The following PRKCE variants were observed in gnomAD, a reference collection of about 807,000 sequenced individuals.
PRKCE encodes the protein protein kinase C epsilon, also known as protein kinase C epsilon type.
In PRKCE, 16 loss-of-function variants were observed where a neutral mutation model predicts 85.4. The ratio of observed to expected loss-of-function variants is 0.19; its 90% CI spans 0.13 to 0.28. The LOEUF (loss-of-function observed/expected upper bound fraction) is 0.28, where lower values mean the gene tolerates loss of function less well. PRKCE is among the 10% of genes least tolerant of loss of function. PRKCE has a pLI of 1.00. For missense variants in PRKCE, 573 were observed against 975.2 expected (o/e 0.59, Z 5.49); for synonymous variants, 388 against 371.5 (o/e 1.04, Z -0.51).
intron 1 of PRKCE, among the ~76,000 whole-genome samples, chr2:45,818,496 G>A (rs1043568690): frequency 1.3e-5 from 2 of 152,198 alleles, no homozygotes; most frequent in African/African-American, 4.8e-5. Context: ...CGGGACTTGG[G>A]TGGGCAAGTC....
chr2:45,895,063 C>A lies in PRKCE; in HGVS notation c.412+52000C>A, dbSNP rs1405814883. Among the ~76,000 whole-genome samples, 1 of 152,174 alleles carries A rather than the reference C, an allele frequency of 6.6e-6. No homozygotes were observed. Among genetic ancestry groups the A allele is most frequent in the Non-Finnish European group, 1.5e-5 (1 of 68,042 alleles). On this transcript the variant is annotated intron_variant, in intron 2 of 14. Coordinates refer to ENST00000306156, the MANE Select transcript of PRKCE (RefSeq NM_005400.3). The surrounding 1 kb of genome is among the most constrained non-coding windows in gnomAD (Gnocchi z 4.8). ...GAACACATAAATGTCATCAATGATT[C>A]CGTCTCTACCTGGGTAAACTTCAGA...
chr2:46,114,540 C>T (rs1199494411), intron 11 of PRKCE, among the ~76,000 whole-genome samples: 1 of 150,754 alleles, frequency 6.6e-6, no homozygotes, highest in Non-Finnish European at 1.5e-5. Context: ...GCGTCAGCCT[C>T]CTGAGTAGCT....
intron 1 of PRKCE, among the ~76,000 whole-genome samples, chr2:45,773,859 T>A (rs1214176670): frequency 6.6e-6 from 1 of 152,148 alleles, no homozygotes; most frequent in Non-Finnish European, 1.5e-5. Flanking sequence ...CTCCTGTACC[T>A]ACGGCTGCCA....
At chr2:46,022,813 G>A (rs550252793) in intron 10 of PRKCE, among the ~76,000 whole-genome samples, 1 of 152,302 alleles carries the variant, frequency 6.6e-6, no homozygotes, top group East Asian at 1.9e-4. Context: ...GCCGGGCGCG[G>A]TGGCTCACGC....
chr2:45,789,925 G>A (rs2105081003), intron 1 of PRKCE, among the ~76,000 whole-genome samples: 1 of 152,324 alleles, frequency 6.6e-6, no homozygotes, highest in South Asian at 2.1e-4. Context: ...CTAAATGGTA[G>A]TGTTCATTCA....
At chr2:46,134,526 G>A (rs1409073022) in intron 11 of PRKCE, among the ~76,000 whole-genome samples, 1 of 152,248 alleles carries the variant, frequency 6.6e-6, no homozygotes, top group Non-Finnish European at 1.5e-5. Flanking sequence ...AAAAATGCCT[G>A]CTGGCAAAGG....
chr2:46,091,908 A>T (rs1670205188), intron 11 of PRKCE, among the ~76,000 whole-genome samples: 1 of 152,238 alleles, frequency 6.6e-6, no homozygotes, highest in Non-Finnish European at 1.5e-5. Context: ...CCCTTCTGAT[A>T]AAATCGAACT....
chr2:46,105,260 G>A (rs185662441), intron 11 of PRKCE, among the ~76,000 whole-genome samples: 1 of 151,892 alleles, frequency 6.6e-6, no homozygotes, highest in East Asian at 1.9e-4. Flanking sequence ...CCTTCCTTTT[G>A]CTTTATCATA....
chr2:45,930,028 G>A lies in PRKCE; in HGVS notation c.413-46401G>A, dbSNP rs529070994. On this transcript the variant is annotated intron_variant, in intron 2 of 14. Coordinates refer to ENST00000306156, the MANE Select transcript of PRKCE (RefSeq NM_005400.3). ...TCAATGAATGGACAAACCAAAGGTC[G>A]TATATCATGGTTTTTGAAAAATATA... Among the ~76,000 whole-genome samples the A allele has an allele frequency of 1.2e-4, 18 of 152,294 alleles. No individual in the cohort carries two copies. In the South Asian group the frequency reaches 3.1e-3, roughly 26 times the overall value.
chr2:46,081,595 G>A (rs1213666729), intron 10 of PRKCE, among the ~76,000 whole-genome samples: 1 of 152,230 alleles, frequency 6.6e-6, no homozygotes, highest in Non-Finnish European at 1.5e-5. Context: ...AGCTTCCTGG[G>A]AGAAAAGATG....
chr2:45,907,648 C>A lies in PRKCE; in HGVS notation c.412+64585C>A, dbSNP rs1156492181. ...GTCCGCATTCTATGGACTGTTCTGT[C>A]CAGGGAGAAGGAGCATGAGCCCACA... On this transcript the variant is annotated intron_variant, in intron 2 of 14. Transcript: ENST00000306156. This position sits in a 1 kb window ranked among gnomAD's most constrained non-coding sequence, Gnocchi z 4.5. Among the ~76,000 whole-genome samples, 3 of 152,180 alleles carry A rather than the reference C, an allele frequency of 2.0e-5. No individual in the cohort carries two copies. Among genetic ancestry groups the A allele is most frequent in the Non-Finnish European group, 1.5e-5 (1 of 68,036 alleles).
chr2:45,924,266 G>A (rs923117090), intron 2 of PRKCE, among the ~76,000 whole-genome samples: 6 of 152,180 alleles, frequency 3.9e-5, no homozygotes, highest in South Asian at 4.1e-4. Context: ...GGAAAGAGAC[G>A]TATTTTTGTT....
At chr2:45,980,538 C>T (rs1702806253) in intron 5 of PRKCE, among the ~76,000 whole-genome samples, 157 bp downstream of exon 5, 1 of 152,216 alleles carries the variant, frequency 6.6e-6, no homozygotes, top group African/African-American at 2.4e-5. Context: ...GGTCTTCTGG[C>T]ATGAGACACC....
rs1574658929 is a variant in PRKCE, at chr2:46,170,596, C to G, written c.2067+10844C>G. ...TTGTGGAATGAACAAATGAATTCCCCAGATATACAGTGTTTTTTTCAGCTC... is the reference window on the plus strand; with the variant it reads ...TTGTGGAATGAACAAATGAATTCCCGAGATATACAGTGTTTTTTTCAGCTC... On this transcript the variant is annotated intron_variant, in intron 14 of 14. Coordinates refer to ENST00000306156, the MANE Select transcript of PRKCE (RefSeq NM_005400.3). Among the ~76,000 whole-genome samples the G allele has an allele frequency of 3.3e-5, 5 of 152,292 alleles. No individual in the cohort carries two copies. In the South Asian group the frequency reaches 1.0e-3, roughly 32 times the overall value.
At chr2:46,094,095 C>T (rs900967891) in intron 11 of PRKCE, among the ~76,000 whole-genome samples, 12 of 152,182 alleles carry the variant, frequency 7.9e-5, no homozygotes, top group African/African-American at 2.7e-4. Context: ...AGTATTCTAT[C>T]AATTTCATAT....
chr2:45,848,191 T>A (rs916809229), intron 2 of PRKCE, among the ~76,000 whole-genome samples: 2 of 152,248 alleles, frequency 1.3e-5, no homozygotes, highest in Non-Finnish European at 2.9e-5. Context: ...CCACTGGAGC[T>A]TCAATTCATA....
chr2:45,723,160 A>G (rs778569833), intron 1 of PRKCE, among the ~76,000 whole-genome samples: 7 of 152,214 alleles, frequency 4.6e-5, no homozygotes, highest in Non-Finnish European at 7.3e-5. Flanking sequence ...CTAACTGTGG[A>G]AAATAGAATA....
In PRKCE at chr2:46,041,871, A is replaced by C. The variant is rs1708235098; in HGVS notation, c.1437+31354A>C. On this transcript the variant is annotated intron_variant, in intron 10 of 14. Coordinates refer to ENST00000306156, the MANE Select transcript of PRKCE (RefSeq NM_005400.3). The surrounding 1 kb of genome is among the most constrained non-coding windows in gnomAD (Gnocchi z 5.5). ...TCCATGTTAACATGTCGGCTTGAAT[A>C]CTCTTATTTTCCACACTGGAAACTT... is the stretch of plus-strand genomic sequence containing the variant. Among the ~76,000 whole-genome samples, 1 of 152,082 alleles carries C rather than the reference A, an allele frequency of 6.6e-6. No individual in the cohort carries two copies. The highest frequency in any genetic ancestry group is 1.5e-5 in the Non-Finnish European group (1 of 67,994).
intron 1 of PRKCE, among the ~76,000 whole-genome samples, chr2:45,777,447 A>G (rs1191784630): frequency 6.6e-6 from 1 of 151,944 alleles, no homozygotes; most frequent in African/African-American, 2.4e-5. Flanking sequence ...CACTCTTCTC[A>G]GTATTGCCAA....
Sources: allele counts gnomAD v4.1 joint callset (sites outside exome capture counted in the v4.1 genomes callset), GRCh38; gene constraint gnomAD v4.1.1; non-coding constraint Gnocchi (gnomAD v3.1); transcripts MANE v1.5; gene names NCBI Gene and HGNC (gene_info 2026-07-23, HGNC 2026-07-21).